Variants in FKBP1B observed in about 807,000 individuals in gnomAD.
FKBP1B encodes the protein FKBP prolyl isomerase 1B, also known as peptidyl-prolyl cis-trans isomerase FKBP1B.
Under a neutral mutation model 13.5 loss-of-function variants are expected in FKBP1B, and 4 were observed. That is an observed-to-expected ratio of 0.30 (90% CI 0.15 to 0.68). FKBP1B has a LOEUF of 0.68. Ranked by LOEUF, FKBP1B falls within the 30% of genes least tolerant of loss-of-function variation. The pLI, the probability that FKBP1B is intolerant of heterozygous loss-of-function variation, is 0.76. For missense variants in FKBP1B, 93 were observed against 136.2 expected (o/e 0.68, Z 1.58); for synonymous variants, 54 against 53.6 (o/e 1.01, Z -0.03).
upstream of FKBP1B, among the ~76,000 whole-genome samples, chr2:24,048,491 GGAGA>G (rs1211133958): frequency 6.9e-6 from 1 of 144,040 alleles, no homozygotes; most frequent in Non-Finnish European, 1.5e-5. Context: ...AAAAAAAAAA[GGAGA>G]GAGAGAGAGA....
rs1663996347 is a variant in FKBP1B at position 24,053,894 on chromosome 2, C to A, written c.38-8C>A. 6.2e-7 allele frequency: 1 copy of A among 1,614,028 alleles called. No homozygotes were observed. ...TACTCCTTCATCTGCCCTCATGTCT[C>A]CCTGCAGGAAGGACATTCCCCAAGA... On this transcript the variant is annotated splice_polypyrimidine_tract_variant and splice_region_variant and intron_variant, in intron 1 of 3. Transcript: ENST00000380986.
chr2:24,045,691 G>GGGCA (rs1663601182), upstream of FKBP1B: 2 of 151,302 alleles, frequency 1.3e-5, no homozygotes, highest in Non-Finnish European at 2.9e-5. Flanking sequence ...AGGAAAGGAA[G>GGGCA]GGCAGGCACA....
rs145304180 is a variant in FKBP1B, at chr2:24,060,247, G to T, written c.86-567G>T. Among the ~76,000 whole-genome samples the T allele has an allele frequency of 2.0e-3, 302 of 152,180 alleles. 1 individual carries two copies. The highest frequency in any genetic ancestry group is 0.014 in the Middle Eastern group (4 of 294). Reference sequence around the variant, plus strand: ...GGTGAGATAAGCTGGTGACTTGGTCGTGGTAATAGAAACAAAGAAAAGGCC... The same window carrying T: ...GGTGAGATAAGCTGGTGACTTGGTCTTGGTAATAGAAACAAAGAAAAGGCC... On this transcript the variant is annotated intron_variant, in intron 2 of 3. Coordinates refer to ENST00000380986, the MANE Select transcript of FKBP1B (RefSeq NM_004116.5).
At chr2:24,049,953 C>T in intron 1 of FKBP1B, 67 bp downstream of exon 1, 1 of 1,289,080 alleles carries the variant, frequency 7.8e-7, no homozygotes. Flanking sequence ...GGGCGGGGGT[C>T]TGATTCGGAG....
At chr2:24,061,357 G>C (rs577111928) in intron 3 of FKBP1B, among the ~76,000 whole-genome samples, 1 of 152,188 alleles carries the variant, frequency 6.6e-6, no homozygotes, top group African/African-American at 2.4e-5. Context: ...GGGAGGCTGC[G>C]ACAGGAGAAT....
At chr2:24,056,744 G>A (rs1664145738) in intron 2 of FKBP1B, among the ~76,000 whole-genome samples, 1 of 151,988 alleles carries the variant, frequency 6.6e-6, no homozygotes, top group Non-Finnish European at 1.5e-5. Flanking sequence ...AGGCTGGAGT[G>A]CAATGGCGCA....
chr2:24,035,898 G>A, the FKBP1B span, among the ~76,000 whole-genome samples: 6 of 151,380 alleles, frequency 4.0e-5, no homozygotes, highest in Non-Finnish European at 5.9e-5. Context: ...GTGAAACCCC[G>A]CCTCTACTAA....
chr2:24,040,702 G>A, the FKBP1B span, among the ~76,000 whole-genome samples: 23 of 152,240 alleles, frequency 1.5e-4, no homozygotes, highest in African/African-American at 5.3e-4. Flanking sequence ...TTTTCCCCCA[G>A]GCATTTGAAT....
the FKBP1B span, among the ~76,000 whole-genome samples, chr2:24,042,811 T>C: frequency 6.6e-6 from 1 of 151,930 alleles, no homozygotes; most frequent in Middle Eastern, 3.4e-3. Context: ...GGCGGGCAGA[T>C]CACCTGACCA....
At chr2:24,037,168 G>A in the FKBP1B span, among the ~76,000 whole-genome samples, 275 of 152,224 alleles carry the variant, frequency 1.8e-3, 6 homozygotes, top group East Asian at 0.041. Flanking sequence ...GATTACAGGC[G>A]CCCATCACCA....
chr2:24,039,292 G>T, the FKBP1B span: 2 of 1,614,220 alleles, frequency 1.2e-6, no homozygotes, highest in South Asian at 2.2e-5. Context: ...ATCTGCAACA[G>T]GTGGGGCCCA....
chr2:24,049,512 T>G (rs1271825545), upstream of FKBP1B: 3 of 268,464 alleles, frequency 1.1e-5, no homozygotes, highest in African/African-American at 2.2e-5. Context: ...ATTGGACGGA[T>G]GCGCGAATGA....
the FKBP1B span, chr2:24,038,588 G>C: frequency 1.9e-6 from 3 of 1,613,752 alleles, no homozygotes; most frequent in African/African-American, 2.7e-5. Context: ...TTTTTTCTTA[G>C]ACAAATAAGA....
intron 1 of FKBP1B, 152 bp from the exon 2 acceptor site, chr2:24,053,750 T>C (rs1168379406): frequency 1.4e-6 from 1 of 738,228 alleles, no homozygotes; most frequent in Admixed American, 2.0e-5. Flanking sequence ...TCATTCTGGC[T>C]CGTACAGGGC....
the FKBP1B span, chr2:24,038,934 A>C: frequency 1.2e-6 from 2 of 1,614,208 alleles, no homozygotes; most frequent in African/African-American, 2.7e-5. Context: ...GAGTCTTCTG[A>C]GCGCTGTCCC....
the FKBP1B span, chr2:24,039,596 G>A: frequency 2.4e-6 from 3 of 1,228,740 alleles, no homozygotes; most frequent in Non-Finnish European, 3.4e-6. Context: ...CAACGGCTTA[G>A]CCCCTTCCCA....
the FKBP1B span, chr2:24,039,142 C>T: frequency 1.9e-6 from 3 of 1,614,210 alleles, no homozygotes; most frequent in Non-Finnish European, 2.5e-6. Flanking sequence ...CCACACACAG[C>T]CCTGGGGAAG....
chr2:24,047,129 C>T (rs75745192), upstream of FKBP1B, among the ~76,000 whole-genome samples: 3,044 of 152,104 alleles, frequency 0.02, 32 homozygotes, highest in South Asian at 0.046. Flanking sequence ...CATTTACACC[C>T]ACCCCTAGCT....
chr2:24,035,639 G>A, the FKBP1B span, among the ~76,000 whole-genome samples: 3 of 152,060 alleles, frequency 2.0e-5, no homozygotes, highest in East Asian at 5.8e-4. Context: ...CTATGGCTGG[G>A]TGCAGTGGCT....
Sources: gnomAD v4.1 joint callset for allele counts (sites outside exome capture counted in the v4.1 genomes callset) on GRCh38, gnomAD v4.1.1 for gene constraint, MANE v1.5 for transcripts, NCBI Gene and HGNC (gene_info 2026-07-23, HGNC 2026-07-21) for gene names.